The following ASPH variants were observed in gnomAD, a reference collection of about 807,000 sequenced individuals.
ASPH encodes aspartyl/asparaginyl beta-hydroxylase.
Under a neutral mutation model 118.4 loss-of-function variants are expected in ASPH, and 100 were observed. The ratio of observed to expected loss-of-function variants is 0.84; its 90% CI spans 0.72 to 1.00. ASPH has a LOEUF of 1.00. Ranked by LOEUF, ASPH falls within the 50% of genes least tolerant of loss-of-function variation. ASPH has a pLI of 0.00. For synonymous variants in ASPH, 315 were observed against 325.6 expected, an observed-to-expected ratio of 0.97 and a Z score of 0.35; for missense variants, 920 against 919.5, an observed-to-expected ratio of 1.00 and a Z score of -0.01.
At chr8:61,597,208 A>C (rs548505501) in intron 14 of ASPH, among the ~76,000 whole-genome samples, 1 of 150,970 alleles carries the variant, frequency 6.6e-6, no homozygotes, top group South Asian at 2.1e-4. Context: ...AAAAAAAAAA[A>C]AAAAAAACAA....
chr8:61,714,339 G>A lies in ASPH; in HGVS notation c.33C>T (p.Gly11=). MAQRKNAKSS[G]NSSSSGSGSG... ...TGCCGGAGCCGCTGCTGCTGCTGTT[G>A]CCGCTGCTCTTGGCATTCTTACGCT... Residue 11 remains glycine (G), a synonymous_variant, in exon 1 of 25, where the codon GGC becomes GGT. Coordinates refer to ENST00000379454, the MANE Select transcript of ASPH (RefSeq NM_004318.4). The A allele has an allele frequency of 1.3e-6, 2 of 1,518,102 alleles. No individual in the cohort carries two copies. The highest frequency in any genetic ancestry group is 1.8e-6 in the Non-Finnish European group (2 of 1,133,602). The allele number at this position is 1,518,102 out of a possible 1,614,324, so 94.0% of individuals were successfully genotyped here. A position where few individuals can be genotyped will look rare whatever the true frequency, so the allele number is the denominator to read the frequency against.
At chr8:61,703,679 G>A (rs1417860974) in intron 1 of ASPH, among the ~76,000 whole-genome samples, 2 of 152,168 alleles carry the variant, frequency 1.3e-5, no homozygotes, top group Non-Finnish European at 2.9e-5. Flanking sequence ...CAATATCACT[G>A]TGATTAATGC....
At chr8:61,603,222 A>G (rs1472740893) in intron 14 of ASPH, among the ~76,000 whole-genome samples, 1 of 150,888 alleles carries the variant, frequency 6.6e-6, no homozygotes, top group South Asian at 2.1e-4. Context: ...AAAAAAAGAG[A>G]AAAGAAATTC....
At chr8:61,616,130 T>C (rs1034139427) in intron 14 of ASPH, among the ~76,000 whole-genome samples, 1 of 152,160 alleles carries the variant, frequency 6.6e-6, no homozygotes, top group Non-Finnish European at 1.5e-5. Context: ...TAATTTTAAA[T>C]GGGGGGAGAG....
chr8:61,560,092 T>C (rs1587105568), intron 18 of ASPH, among the ~76,000 whole-genome samples: 1 of 152,382 alleles, frequency 6.6e-6, no homozygotes, highest in South Asian at 2.1e-4. Context: ...ATAAACTTCA[T>C]GTGGGCACAT....
chr8:61,683,460 A>G (rs1829112251), intron 2 of ASPH: 2 of 152,188 alleles, frequency 1.3e-5, no homozygotes, highest in Non-Finnish European at 2.9e-5. Context: ...GGACACTATC[A>G]GAAGGACCAC....
chr8:61,523,585 G>A (rs553563854), intron 22 of ASPH, among the ~76,000 whole-genome samples: 1 of 151,800 alleles, frequency 6.6e-6, no homozygotes, highest in South Asian at 2.1e-4. Context: ...CCAAAGTGTT[G>A]GGATTACAGT....
At chr8:61,653,473 G>A in intron 4 of ASPH, 95 bp downstream of exon 4, 1 of 1,203,910 alleles carries the variant, frequency 8.3e-7, no homozygotes. Context: ...TAAATGATGT[G>A]AAACAAATTC....
intron 3 of ASPH, among the ~76,000 whole-genome samples, chr8:61,672,034 T>C (rs1589006373): frequency 6.6e-6 from 1 of 152,242 alleles, no homozygotes; most frequent in Non-Finnish European, 1.5e-5. Context: ...AGCCTTCTCA[T>C]CTTCCTCCGT....
intron 22 of ASPH, among the ~76,000 whole-genome samples, 196 bp downstream of exon 22, chr8:61,525,781 C>A (rs772692643): frequency 3.3e-5 from 5 of 152,116 alleles, no homozygotes; most frequent in Non-Finnish European, 5.9e-5. Context: ...CAGCAATATA[C>A]CTGGACACAT....
At chr8:61,580,280 T>C (rs984556804) in intron 15 of ASPH, among the ~76,000 whole-genome samples, 3 of 152,354 alleles carry the variant, frequency 2.0e-5, no homozygotes, top group South Asian at 2.1e-4. Flanking sequence ...GGGGACTCTA[T>C]GTGGGGGATC....
intron 1 of ASPH, among the ~76,000 whole-genome samples, chr8:61,693,785 C>T (rs1397132903): frequency 6.6e-6 from 1 of 152,210 alleles, no homozygotes; most frequent in African/African-American, 2.4e-5. Context: ...TCACCTCCTG[C>T]CTTCATATCC....
At chr8:61,608,502 TA>T (rs796565137) in intron 14 of ASPH, among the ~76,000 whole-genome samples, 2 of 152,336 alleles carry the variant, frequency 1.3e-5, no homozygotes, top group African/African-American at 4.8e-5. Context: ...AGCTGTTTAA[TA>T]AACTTAAAAT....
chr8:61,609,061 A>C (rs1164386716), intron 14 of ASPH, among the ~76,000 whole-genome samples: 2 of 152,154 alleles, frequency 1.3e-5, no homozygotes, highest in East Asian at 3.9e-4. Context: ...GAGGGCGAGG[A>C]GGAAAGGGGA....
In ASPH at chr8:61,699,768, A is replaced by G. The variant is rs1162913322; in HGVS notation, c.103+14501T>C. On this transcript the variant is annotated intron_variant, in intron 1 of 24. Transcript: ENST00000379454. Reference sequence around the variant, plus strand: ...AAAACTTAAAAAATTTCTAAGAGAGATATCAAGAGTTCTCTGCAGGAGAAT... The same window carrying G: ...AAAACTTAAAAAATTTCTAAGAGAGGTATCAAGAGTTCTCTGCAGGAGAAT... Among the ~76,000 whole-genome samples, 5 of 152,212 alleles carry G rather than the reference A, an allele frequency of 3.3e-5. No homozygotes were observed. In the East Asian group the frequency reaches 9.6e-4, roughly 29 times the overall value.
chr8:61,577,869 G>A (rs950171817), intron 15 of ASPH, among the ~76,000 whole-genome samples: 10 of 152,166 alleles, frequency 6.6e-5, no homozygotes, highest in Non-Finnish European at 1.5e-4. Flanking sequence ...TGGGACTTGG[G>A]TGGGGACACA....
chr8:61,625,330 A>C (rs1852362701), intron 13 of ASPH: 1 of 985,702 alleles, frequency 1.0e-6, no homozygotes, highest in Admixed American at 6.2e-5. Flanking sequence ...CAATCAACCC[A>C]GCTCAAGGCG....
chr8:61,533,046 T>G (rs1319858650), intron 21 of ASPH, among the ~76,000 whole-genome samples: 2 of 152,078 alleles, frequency 1.3e-5, no homozygotes, highest in Non-Finnish European at 2.9e-5. Flanking sequence ...ACCTGAAAAC[T>G]CACATTTTTT....
chr8:61,705,183 G>A (rs758430449), intron 1 of ASPH, among the ~76,000 whole-genome samples: 2 of 152,128 alleles, frequency 1.3e-5, no homozygotes, highest in Non-Finnish European at 2.9e-5. Context: ...TTATAAGTGG[G>A]AGCAAAACAT....
Sources: gnomAD v4.1 joint callset for allele counts (sites outside exome capture counted in the v4.1 genomes callset) on GRCh38, gnomAD v4.1.1 for gene constraint, MANE v1.5 for transcripts, NCBI Gene and HGNC (gene_info 2026-07-23, HGNC 2026-07-21) for gene names.